Variants in SERPINE3 observed in about 807,000 individuals in gnomAD.
The protein encoded by SERPINE3 is serpin family E member 3.
In SERPINE3, 43 loss-of-function variants were observed where a neutral mutation model predicts 41.7. That is an observed-to-expected ratio of 1.03 (90% CI 0.81 to 1.33). The LOEUF (loss-of-function observed/expected upper bound fraction) is 1.33. SERPINE3 is among the 40% of genes most tolerant of loss of function. The pLI, the probability that SERPINE3 is intolerant of heterozygous loss-of-function variation, is 0.00. For synonymous variants in SERPINE3, 200 were observed against 192.2 expected (o/e 1.04, Z -0.34); for missense variants, 440 against 491.7 (o/e 0.89, Z 0.99).
intron 6 of SERPINE3, among the ~76,000 whole-genome samples, chr13:51,349,569 G>T (rs1469732781): frequency 6.6e-6 from 1 of 152,226 alleles, no homozygotes; most frequent in African/African-American, 2.4e-5. Flanking sequence ...GCTGGTGCGA[G>T]AATTCGCCAC....
chr13:51,341,425 A>G (rs559611589), intron 3 of SERPINE3, 78 bp downstream of exon 3: 2 of 1,281,342 alleles, frequency 1.6e-6, no homozygotes, highest in African/African-American at 2.9e-5. Context: ...CCTCCTGCTC[A>G]CACTCACACT....
At chr13:51,348,507 A>C in intron 6 of SERPINE3, 96 bp downstream of exon 6, 1 of 955,040 alleles carries the variant, frequency 1.0e-6, no homozygotes, top group East Asian at 2.5e-5. Flanking sequence ...GTCTGTGCTT[A>C]GCCACTGGGA....
Position 51,361,382 on chromosome 13 carries a change from C to G in SERPINE3, c.1087+18C>G, listed in dbSNP as rs748684969. ...AGCCACAGGTATGTTCAGAGAATACCCAGTCACACTGCTTACCCATATCTA... is the reference window on the plus strand; with the variant it reads ...AGCCACAGGTATGTTCAGAGAATACGCAGTCACACTGCTTACCCATATCTA... On this transcript the variant is annotated intron_variant, in intron 8 of 9. Coordinates refer to ENST00000681248, the MANE Select transcript of SERPINE3 (RefSeq NM_001386375.1). The G allele has an allele frequency of 2.0e-6, 3 of 1,469,340 alleles. No individual in the cohort carries two copies. The highest frequency in any genetic ancestry group is 2.9e-6 in the Non-Finnish European group (3 of 1,051,992). The allele number at this position is 1,469,340 out of a possible 1,614,324, so 91.0% of individuals were successfully genotyped here.
At chr13:51,345,739 T>C (rs1359380209) in intron 4 of SERPINE3, among the ~76,000 whole-genome samples, 2 of 152,234 alleles carry the variant, frequency 1.3e-5, no homozygotes, top group East Asian at 3.8e-4. Context: ...TCATGCTCTT[T>C]TATTTTACCA....
rs1325806290 is a variant in SERPINE3 at position 51,355,152 on chromosome 13, GGTTC to G, written c.1000+10_1000+13del. The G allele has an allele frequency of 1.4e-6, 2 of 1,407,058 alleles. No individual in the cohort carries two copies. Among genetic ancestry groups the G allele is most frequent in the East Asian group, 5.0e-5 (2 of 40,276 alleles). The allele number at this position is 1,407,058 out of a possible 1,614,324, so 87.2% of individuals were successfully genotyped here. A position where few individuals can be genotyped will look rare whatever the true frequency, so the allele number is the denominator to read the frequency against. ...CTTGAAAGGAATTTCAGGTAAAAAC[GGTTC>G]TTCTTCCAAACGTTCTAGCCGTGTA... On this transcript the variant is annotated intron_variant, in intron 7 of 9. Coordinates refer to ENST00000681248, the MANE Select transcript of SERPINE3 (RefSeq NM_001386375.1).
chr13:51,351,178 ACTAGGT>A (rs1235185023), intron 6 of SERPINE3, among the ~76,000 whole-genome samples: 1 of 152,194 alleles, frequency 6.6e-6, no homozygotes, highest in African/African-American at 2.4e-5. Context: ...GAATGCAATT[ACTAGGT>A]CATGTGGTAA....
intron 6 of SERPINE3, among the ~76,000 whole-genome samples, chr13:51,349,925 T>G (rs1402041714): frequency 6.6e-6 from 1 of 152,240 alleles, no homozygotes; most frequent in Non-Finnish European, 1.5e-5. Context: ...AAGTTTTTTT[T>G]GTTTGTTTTT....
At chr13:51,343,483 A>G (rs1322116501) in intron 3 of SERPINE3, among the ~76,000 whole-genome samples, 1 of 152,264 alleles carries the variant, frequency 6.6e-6, no homozygotes, top group Non-Finnish European at 1.5e-5. Flanking sequence ...GATCATGGAA[A>G]GAAGGAAGCA....
chr13:51,340,826 T>C lies in SERPINE3; in HGVS notation c.-53T>C. 3.7e-6 allele frequency: 2 copies of C among 544,082 alleles called. No homozygotes were observed. Among genetic ancestry groups the C allele is most frequent in the South Asian group, 4.5e-5 (2 of 44,564 alleles). The allele number at this position is 544,082 out of a possible 1,614,324, so 33.7% of individuals were successfully genotyped here. A position where few individuals can be genotyped will look rare whatever the true frequency, so the allele number is the denominator to read the frequency against. On this transcript the variant is annotated 5_prime_UTR_variant, in exon 2 of 10. Coordinates refer to ENST00000681248, the MANE Select transcript of SERPINE3 (RefSeq NM_001386375.1). ...ACATCCAGTAAGTGGCCGAAGCAGA[T>C]CTTCAGACCCACAGTTTGGCTGCCA...
chr13:51,361,668 C>T, intron 8 of SERPINE3, 142 bp from the exon 9 acceptor site: 1 of 706,596 alleles, frequency 1.4e-6, no homozygotes, highest in Non-Finnish European at 2.3e-6. Flanking sequence ...ATTTTCCCAT[C>T]TGCACCCCCA....
chr13:51,352,978 G>C (rs1263563112), intron 6 of SERPINE3, among the ~76,000 whole-genome samples: 2 of 152,040 alleles, frequency 1.3e-5, no homozygotes, highest in South Asian at 4.1e-4. Flanking sequence ...AGATTTATAT[G>C]GTATTGGATT....
In SERPINE3 at chr13:51,360,007, C is replaced by G. The variant is rs551683315; in HGVS notation, c.1001-1271C>G. Among the ~76,000 whole-genome samples, 42 of 152,190 alleles carry G rather than the reference C, an allele frequency of 2.8e-4. 2 individuals are homozygous for G. The highest frequency in any genetic ancestry group is 7.5e-4 in the African/African-American group (31 of 41,542). The stretch of plus-strand genomic sequence containing the variant: ...GCCCTTCCTGTCCCCTTCACTGATG[C>G]TGGAAAATAACTGTTCCTTACAGTG... On this transcript the variant is annotated intron_variant, in intron 7 of 9. Transcript: ENST00000681248.
At chr13:51,342,178 CAAAAAA>C (rs869298134) in intron 3 of SERPINE3, among the ~76,000 whole-genome samples, 844 of 63,580 alleles carry the variant, frequency 0.013, 5 homozygotes, top group Non-Finnish European at 0.019. Context: ...AAAGACAGAA[CAAAAAA>C]AAAAAAAAAA....
intron 6 of SERPINE3, among the ~76,000 whole-genome samples, chr13:51,352,515 A>C (rs1358297083): frequency 6.6e-6 from 1 of 151,950 alleles, no homozygotes; most frequent in Non-Finnish European, 1.5e-5. Flanking sequence ...TCTATGTATA[A>C]GACCAAGTCA....
At chr13:51,358,821 T>C (rs538244369) in intron 7 of SERPINE3, among the ~76,000 whole-genome samples, 12 of 152,130 alleles carry the variant, frequency 7.9e-5, no homozygotes, top group African/African-American at 2.9e-4. Flanking sequence ...GCTTTGTATA[T>C]AGAATGTTGT....
Position 51,359,738 on chromosome 13 carries a change from G to A in SERPINE3, c.1001-1540G>A, listed in dbSNP as rs529095233. ...CCATCCTATATAGTCATGAAGTCTC[G>A]GAGATTAGTAAAAGCCTCTCATGAC... On this transcript the variant is annotated intron_variant, in intron 7 of 9. Transcript: ENST00000681248. Among the ~76,000 whole-genome samples the A allele has an allele frequency of 8.5e-5, 13 of 152,058 alleles. No homozygotes were observed. In the East Asian group the frequency reaches 1.5e-3, roughly 18 times the overall value.
At chr13:51,361,426 A>G (rs1177724253) in intron 8 of SERPINE3, 62 bp downstream of exon 8, 2 of 1,008,468 alleles carry the variant, frequency 2.0e-6, no homozygotes, top group Non-Finnish European at 1.5e-6. Flanking sequence ...AAATTTACCT[A>G]GTTGAATCTT....
rs902779257 is a variant in SERPINE3, at chr13:51,347,025, G to A, written c.491G>A (p.Gly164Asp). ...GGCCACCTTGCTTTCCTGCTTGCAG[G>A]TGGGGGCCCCAGTGAGGGCCCTGGT... The part of the protein sequence containing the change: ...TSEGASRETA[G>D]GGPSEGPGGW... Residue 164 changes from glycine to aspartate, a missense_variant and splice_region_variant, in exon 5 of 10, where the codon GGT becomes GAT. Gly to Asp is a moderately conservative substitution (Grantham distance 94, BLOSUM62 -1). Transcript: ENST00000681248. 2 of 1,574,134 alleles carry A rather than the reference G, an allele frequency of 1.3e-6. No homozygotes were observed. The highest frequency in any genetic ancestry group is 3.7e-5 in the Admixed American group (2 of 53,746).
In SERPINE3 at chr13:51,361,359, C is replaced by T; in HGVS notation, c.1082C>T (p.Ala361Val). Residue 361 changes from alanine to valine, a missense_variant, in exon 8 of 10, where the codon GCC (alanine) becomes GTC (valine). Physicochemically the swap from Ala to Val is moderately conservative, Grantham distance 64 (BLOSUM62 0). Coordinates refer to ENST00000681248, the MANE Select transcript of SERPINE3 (RefSeq NM_001386375.1). Reference protein sequence around the residue: ...VLEEGTKASGATALLLLKRSR... With the variant: ...VLEEGTKASGVTALLLLKRSR... ...GAGGAAGGCACCAAGGCATCTGGAG[C>T]CACAGGTATGTTCAGAGAATACCCA... 1.9e-6 allele frequency: 3 copies of T among 1,600,840 alleles called. No homozygotes were observed. The highest frequency in any genetic ancestry group is 2.6e-6 in the Non-Finnish European group (3 of 1,169,646).
Sources: allele counts gnomAD v4.1 joint callset (sites outside exome capture counted in the v4.1 genomes callset), GRCh38; gene constraint gnomAD v4.1.1; transcripts MANE v1.5; gene names NCBI Gene and HGNC (gene_info 2026-07-23, HGNC 2026-07-21).